The following SHISA9 variants were observed in gnomAD, a reference collection of about 807,000 sequenced individuals.
SHISA9 encodes the protein shisa family member 9.
SHISA9 carries 13 observed loss-of-function variants against 38.0 expected under a neutral mutation model. That is an observed-to-expected ratio of 0.34 (90% CI 0.22 to 0.54). The LOEUF (loss-of-function observed/expected upper bound fraction) is 0.54, where lower values mean the gene tolerates loss of function less well. Ranked by LOEUF, SHISA9 falls within the 20% of genes least tolerant of loss-of-function variation. The pLI, the probability that SHISA9 is intolerant of heterozygous loss-of-function variation, is 0.91. For missense variants in SHISA9, 538 were observed against 575.8 expected (o/e 0.93, Z 0.67); for synonymous variants, 275 against 242.0 (o/e 1.14, Z -1.27).
chr16:13,301,941 G>T, the SHISA9 span, among the ~76,000 whole-genome samples: 1 of 152,214 alleles, frequency 6.6e-6, no homozygotes, highest in Non-Finnish European at 1.5e-5. Context: ...CATGCCTGGT[G>T]CAAGGTGGGG....
chr16:13,557,916 G>GCCCTTTCCT, the SHISA9 span, among the ~76,000 whole-genome samples: 1 of 151,988 alleles, frequency 6.6e-6, no homozygotes, highest in Admixed American at 6.6e-5. Flanking sequence ...TTTCATTTTT[G>GCCCTTTCCT]CCCTTTCCTC....
At chr16:13,010,670 T>C (rs539836687) in intron 2 of SHISA9, among the ~76,000 whole-genome samples, 1 of 151,952 alleles carries the variant, frequency 6.6e-6, no homozygotes, top group South Asian at 2.1e-4. Flanking sequence ...AGTTGAATAA[T>C]GGTTGGGTGT....
At chr16:13,462,925 G>A in the SHISA9 span, among the ~76,000 whole-genome samples, 1 of 152,028 alleles carries the variant, frequency 6.6e-6, no homozygotes, top group Non-Finnish European at 1.5e-5. Context: ...TCGCACCATT[G>A]CACTCCAGCC....
chr16:13,081,758 C>T (rs889906357), intron 2 of SHISA9, among the ~76,000 whole-genome samples: 1 of 150,662 alleles, frequency 6.6e-6, no homozygotes, highest in African/African-American at 2.5e-5. Context: ...GAGGCTGAGG[C>T]AGAGAACTGC....
At chr16:13,002,925 G>T (rs551371680) in intron 2 of SHISA9, among the ~76,000 whole-genome samples, 4 of 152,136 alleles carry the variant, frequency 2.6e-5, no homozygotes, top group Non-Finnish European at 5.9e-5. Context: ...GATTTATGCT[G>T]CAGACATAGA....
the SHISA9 span, among the ~76,000 whole-genome samples, chr16:13,291,903 C>T: frequency 6.6e-6 from 1 of 152,154 alleles, no homozygotes; most frequent in Non-Finnish European, 1.5e-5. Context: ...CACATGACTA[C>T]TGCTAAGAGA....
the SHISA9 span, among the ~76,000 whole-genome samples, chr16:13,443,281 C>T: frequency 1.3e-5 from 2 of 152,130 alleles, no homozygotes; most frequent in Non-Finnish European, 2.9e-5. Flanking sequence ...AACTAATCTT[C>T]GGAGAACTTT....
chr16:13,550,017 T>G, the SHISA9 span, among the ~76,000 whole-genome samples: 1 of 111,182 alleles, frequency 9.0e-6, no homozygotes, highest in East Asian at 2.2e-4. Context: ...AGTGAGACTG[T>G]GTCTCAAAAA....
At chr16:13,109,717 C>T (rs1031914310) in intron 2 of SHISA9, among the ~76,000 whole-genome samples, 6 of 152,142 alleles carry the variant, frequency 3.9e-5, no homozygotes, top group African/African-American at 1.4e-4. Flanking sequence ...GATTTTCTAG[C>T]TCTAGAGATG....
chr16:13,325,898 G>A, the SHISA9 span, among the ~76,000 whole-genome samples: 1 of 151,366 alleles, frequency 6.6e-6, no homozygotes, highest in Admixed American at 6.6e-5. Flanking sequence ...AGGGCCTCTC[G>A]GTGGGGTATG....
chr16:13,529,901 G>C, the SHISA9 span, among the ~76,000 whole-genome samples: 2 of 152,342 alleles, frequency 1.3e-5, no homozygotes, highest in Non-Finnish European at 2.9e-5. Context: ...CTATTCTCTT[G>C]ATTGGTTCAG....
At chr16:12,912,952 C>T (rs1293489887) in intron 1 of SHISA9, among the ~76,000 whole-genome samples, 1 of 152,112 alleles carries the variant, frequency 6.6e-6, no homozygotes, top group Non-Finnish European at 1.5e-5. Flanking sequence ...TTCCCATCAT[C>T]TTCACGTGTC....
At chr16:13,196,435 A>C (rs948586543) in intron 2 of SHISA9, among the ~76,000 whole-genome samples, 1 of 151,732 alleles carries the variant, frequency 6.6e-6, no homozygotes, top group East Asian at 1.9e-4. Context: ...AGTCCATTCT[A>C]CAAGATATCT....
intron 2 of SHISA9, among the ~76,000 whole-genome samples, chr16:13,084,915 A>G (rs1478010848): frequency 6.6e-6 from 1 of 152,188 alleles, no homozygotes; most frequent in Admixed American, 6.5e-5. Context: ...GTTTGAGGCC[A>G]ATTTATTTGA....
intron 1 of SHISA9, chr16:12,908,890 T>C (rs752544752): frequency 1.9e-6 from 2 of 1,053,604 alleles, no homozygotes; most frequent in South Asian, 4.0e-5. Flanking sequence ...TCAAACAGAA[T>C]TGGAAATCCA....
the SHISA9 span, among the ~76,000 whole-genome samples, chr16:13,252,357 A>G: frequency 6.0e-3 from 912 of 152,282 alleles, 8 homozygotes; most frequent in African/African-American, 0.021. Flanking sequence ...ATAACTTGGG[A>G]GATAGGTTGC....
the SHISA9 span, among the ~76,000 whole-genome samples, chr16:13,509,272 C>A: frequency 1.2e-4 from 17 of 146,200 alleles, no homozygotes; most frequent in Non-Finnish European, 7.6e-5. Flanking sequence ...GTCAGAAATG[C>A]AAAAAAAAAA....
At chr16:13,122,100 C>T (rs879341443) in intron 2 of SHISA9, among the ~76,000 whole-genome samples, 3 of 152,144 alleles carry the variant, frequency 2.0e-5, no homozygotes, top group Non-Finnish European at 4.4e-5. Context: ...GAGTACTGGT[C>T]GGGGGATCTA....
At chr16:12,997,977 T>A (rs2072479538) in intron 2 of SHISA9, among the ~76,000 whole-genome samples, 1 of 152,214 alleles carries the variant, frequency 6.6e-6, no homozygotes, top group African/African-American at 2.4e-5. Flanking sequence ...TAGAATGCAT[T>A]GTGTTTGATT....
Sources: gnomAD v4.1 joint callset for allele counts (sites outside exome capture counted in the v4.1 genomes callset) on GRCh38, gnomAD v4.1.1 for gene constraint, MANE v1.5 for transcripts, NCBI Gene and HGNC (gene_info 2026-07-23, HGNC 2026-07-21) for gene names.